MAP3K13: variants seen among roughly 807,000 people sequenced by gnomAD.
MAP3K13 encodes the protein leucine zipper-bearing kinase.
A neutral mutation model predicts 104.0 loss-of-function variants in MAP3K13; 52 were observed. The observed-to-expected ratio is 0.50, with a 90% CI of 0.40 to 0.63. MAP3K13 has a LOEUF of 0.63. MAP3K13 is among the 20% of genes least tolerant of loss of function. The pLI, the probability that MAP3K13 is intolerant of heterozygous loss-of-function variation, is 0.00. For missense variants in MAP3K13, 914 were observed against 1,218.5 expected (o/e 0.75, Z 3.72); for synonymous variants, 394 against 442.2 (o/e 0.89, Z 1.37).
intron 3 of MAP3K13, among the ~76,000 whole-genome samples, chr3:185,440,557 T>C (rs1367911574): frequency 1.3e-5 from 2 of 152,080 alleles, no homozygotes; most frequent in Non-Finnish European, 2.9e-5. Flanking sequence ...AAAAAATTAT[T>C]AAAAATCAAG....
At chr3:185,286,802 G>A (rs901217938) in intron 2 of MAP3K13, among the ~76,000 whole-genome samples, 1 of 151,986 alleles carries the variant, frequency 6.6e-6, no homozygotes, top group Non-Finnish European at 1.5e-5. Flanking sequence ...GAGGCCTAGA[G>A]TAGGAAGAAG....
chr3:185,312,894 G>A lies in MAP3K13; in HGVS notation c.-86+27251G>A, dbSNP rs569270595. 9.9e-5 allele frequency among the ~76,000 whole-genome samples: 15 copies of A among 152,010 alleles called. 1 individual carries two copies. Among genetic ancestry groups the A allele is most frequent in the Admixed American group, 3.9e-4 (6 of 15,266 alleles). ...AATATAAAATTCTAACAGTACATAC[G>A]GACATACTTTCTGAATTTCATAATA... On this transcript the variant is annotated intron_variant, in intron 2 of 14. Coordinates refer to the MAP3K13 transcript ENST00000424227.
At chr3:185,305,548 A>G (rs1721262543) in intron 2 of MAP3K13, among the ~76,000 whole-genome samples, 1 of 152,138 alleles carries the variant, frequency 6.6e-6, no homozygotes, top group South Asian at 2.1e-4. Context: ...TTACAGTATT[A>G]CATGATTCTG....
chr3:185,362,112 G>C (rs768190291), upstream of MAP3K13, among the ~76,000 whole-genome samples: 10 of 152,116 alleles, frequency 6.6e-5, no homozygotes, highest in Non-Finnish European at 1.2e-4. Context: ...CTTGGTCACT[G>C]GACACCTCAT....
Position 185,390,350 on chromosome 3 carries a change from G to A in MAP3K13, c.-86+26982G>A, listed in dbSNP as rs78812201. Among the ~76,000 whole-genome samples, 418 of 152,202 alleles carry A rather than the reference G, an allele frequency of 2.7e-3. 1 individual carries two copies. Among genetic ancestry groups the A allele is most frequent in the African/African-American group, 9.8e-3 (406 of 41,530 alleles). On this transcript the variant is annotated intron_variant, in intron 1 of 13. Coordinates refer to ENST00000265026, the MANE Select transcript of MAP3K13 (RefSeq NM_004721.5). ...AGCACAAAGAGAGTAAATTCATCAA[G>A]GTGGAGTCAGCATTCAGTTTCAGAC...
intron 7 of MAP3K13, among the ~76,000 whole-genome samples, chr3:185,452,140 G>A (rs1363533775): frequency 5.3e-5 from 8 of 152,130 alleles, no homozygotes; most frequent in Admixed American, 3.9e-4. Context: ...TTTTCTCTAA[G>A]TGTGTCACCT....
chr3:185,421,841 C>T (rs937097049), intron 1 of MAP3K13, among the ~76,000 whole-genome samples: 1 of 152,162 alleles, frequency 6.6e-6, no homozygotes, highest in African/African-American at 2.4e-5. Context: ...ACAGGTAAAA[C>T]TTAGGTATTT....
At chr3:185,300,784 G>A (rs556713039) in intron 2 of MAP3K13, among the ~76,000 whole-genome samples, 1 of 152,298 alleles carries the variant, frequency 6.6e-6, no homozygotes, top group African/African-American at 2.4e-5. Flanking sequence ...GAGCCACCAC[G>A]CCTGGCCTAC....
At chr3:185,435,319 T>G (rs369900929) in intron 2 of MAP3K13, among the ~76,000 whole-genome samples, 3 of 152,126 alleles carry the variant, frequency 2.0e-5, no homozygotes, top group East Asian at 1.9e-4. Context: ...CCAATGATAC[T>G]GTTTTTGTCA....
At chr3:185,378,040 C>T (rs1230964142) in intron 1 of MAP3K13, among the ~76,000 whole-genome samples, 4 of 152,190 alleles carry the variant, frequency 2.6e-5, no homozygotes, top group African/African-American at 7.2e-5. Flanking sequence ...CTGGCAGCTG[C>T]GGTTCAGGTG....
intron 7 of MAP3K13, 68 bp from the exon 8 acceptor site, chr3:185,463,482 T>C: frequency 1.1e-6 from 1 of 880,252 alleles, no homozygotes. Flanking sequence ...ATCTTGTACG[T>C]GACTTTATGG....
At chr3:185,289,902 T>C (rs1692305573) in intron 2 of MAP3K13, among the ~76,000 whole-genome samples, 1 of 152,174 alleles carries the variant, frequency 6.6e-6, no homozygotes, top group African/African-American at 2.4e-5. Flanking sequence ...TTGGAGAGGC[T>C]GCGTTGTATA....
At chr3:185,406,862 C>G (rs973024943) in intron 1 of MAP3K13, among the ~76,000 whole-genome samples, 4 of 152,178 alleles carry the variant, frequency 2.6e-5, no homozygotes, top group South Asian at 2.1e-4. Context: ...CACTAATGAA[C>G]CGGCTTGTTT....
chr3:185,409,523 T>A (rs897116839), intron 1 of MAP3K13, among the ~76,000 whole-genome samples: 1 of 152,180 alleles, frequency 6.6e-6, no homozygotes, highest in South Asian at 2.1e-4. Context: ...GGAACTGTTA[T>A]GCACTGTTGG....
Position 185,473,744 on chromosome 3 carries a change from A to G in MAP3K13, c.2413A>G (p.Thr805Ala). ...LGTPPALPRK[T>A]RPLQKSGDDS... ...CACCCCTCCAGCGCTACCTCGAAAA[A>G]CAAGGCCTCTGCAGAAGGTAAAGTG... The change falls in exon 11 of 14, where the codon ACA (threonine) becomes GCA (alanine). Residue 805 changes from threonine (T) to alanine (A), a missense_variant. By Grantham distance (58) the Thr-to-Ala change is moderately conservative. This residue lies in a region of MAP3K13 where 583 missense variants were observed against 737.4 expected (regional missense o/e 0.79). Coordinates refer to ENST00000265026, the MANE Select transcript of MAP3K13 (RefSeq NM_004721.5). This position sits in a 1 kb window ranked among gnomAD's most constrained non-coding sequence, Gnocchi z 4.9. 1 of 1,613,358 alleles carries G rather than the reference A, an allele frequency of 6.2e-7. No homozygotes were observed. The highest frequency in any genetic ancestry group is 8.5e-7 in the Non-Finnish European group (1 of 1,179,804).
chr3:185,317,756 A>G (rs1721727556), intron 2 of MAP3K13, among the ~76,000 whole-genome samples: 1 of 152,156 alleles, frequency 6.6e-6, no homozygotes, highest in African/African-American at 2.4e-5. Flanking sequence ...TAAATGGCCT[A>G]AGTGGGGAAG....
At chr3:185,324,172 G>A (rs1000871696) in intron 2 of MAP3K13, among the ~76,000 whole-genome samples, 10 of 151,844 alleles carry the variant, frequency 6.6e-5, no homozygotes, top group Admixed American at 1.3e-4. Flanking sequence ...CACCACGCCC[G>A]GCTAATTTTT....
At chr3:185,287,822 G>A (rs985942969) in intron 2 of MAP3K13, among the ~76,000 whole-genome samples, 18 of 152,112 alleles carry the variant, frequency 1.2e-4, no homozygotes, top group Non-Finnish European at 2.4e-4. Context: ...AATCACCTGA[G>A]GTCGGGAGTT....
At chr3:185,321,133 T>G (rs926540759) in intron 2 of MAP3K13, among the ~76,000 whole-genome samples, 1 of 150,254 alleles carries the variant, frequency 6.7e-6, no homozygotes, top group East Asian at 2.0e-4. Flanking sequence ...CATATACACA[T>G]GTGTATATTA....
Sources: allele counts gnomAD v4.1 joint callset (sites outside exome capture counted in the v4.1 genomes callset), GRCh38; gene constraint gnomAD v4.1.1; regional missense constraint gnomAD v4.1.1; non-coding constraint Gnocchi (gnomAD v3.1); transcripts MANE v1.5; gene names NCBI Gene and HGNC (gene_info 2026-07-23, HGNC 2026-07-21).